Variants in SNTG1 observed in about 807,000 individuals in gnomAD.
The protein encoded by SNTG1 is syntrophin gamma 1.
In SNTG1, 39 loss-of-function variants were observed where a neutral mutation model predicts 74.7. The observed-to-expected ratio is 0.52, with a 90% confidence interval of 0.40 to 0.68. SNTG1 has a LOEUF of 0.68. Among genes scored for constraint, SNTG1 ranks in the 30% least tolerant of loss-of-function variants. SNTG1 has a pLI of 0.00. For synonymous variants in SNTG1, 254 were observed against 217.1 expected, an observed-to-expected ratio of 1.17 and a Z score of -1.49; for missense variants, 685 against 609.5, an observed-to-expected ratio of 1.12 and a Z score of -1.30.
At chr8:50,596,779 TTA>T (rs2094730198) in intron 13 of SNTG1, among the ~76,000 whole-genome samples, 1 of 152,100 alleles carries the variant, frequency 6.6e-6, no homozygotes, top group Non-Finnish European at 1.5e-5. Context: ...ATTAATGTTT[TTA>T]TATAATTGAA....
intron 9 of SNTG1, among the ~76,000 whole-genome samples, chr8:50,513,175 G>A (rs1279014120): frequency 1.3e-5 from 2 of 152,158 alleles, no homozygotes; most frequent in African/African-American, 4.8e-5. Context: ...GTTTGCTGGA[G>A]GTCCACTCCA....
chr8:50,793,088 G>A lies in SNTG1; in HGVS notation c.*259G>A, dbSNP rs1379709112. ...AGTAAGTGTATTGCTTTCACCAAAAGTGGAGACAAAAGAATAAATTATTTG... is the reference window on the plus strand; with the variant it reads ...AGTAAGTGTATTGCTTTCACCAAAAATGGAGACAAAAGAATAAATTATTTG... On this transcript the variant is annotated 3_prime_UTR_variant, in exon 19 of 19. Transcript: ENST00000642720. 1.1e-4 allele frequency: 35 copies of A among 315,446 alleles called. No individual in the cohort carries two copies. The highest frequency in any genetic ancestry group is 1.9e-4 in the Non-Finnish European group (33 of 174,476). The allele number at this position is 315,446 out of a possible 1,614,324, so 19.5% of individuals were successfully genotyped here.
chr8:50,686,171 G>A (rs936442395), intron 15 of SNTG1, among the ~76,000 whole-genome samples: 1 of 152,030 alleles, frequency 6.6e-6, no homozygotes, highest in Non-Finnish European at 1.5e-5. Flanking sequence ...AATATTCACA[G>A]GAACTTAAGG....
At chr8:50,223,691 T>C (rs1266899837) in intron 2 of SNTG1, among the ~76,000 whole-genome samples, 1 of 152,126 alleles carries the variant, frequency 6.6e-6, no homozygotes, top group African/African-American at 2.4e-5. Flanking sequence ...CAAAAGGCTG[T>C]CTCTACATCA....
Position 50,791,222 on chromosome 8 carries a change from A to G in SNTG1, c.1396-1449A>G, listed in dbSNP as rs188087937. Among the ~76,000 whole-genome samples the G allele has an allele frequency of 5.7e-3, 871 of 152,050 alleles. 3 individuals are homozygous for G. Among genetic ancestry groups the G allele is most frequent in the Middle Eastern group, 0.027 (8 of 294 alleles). On this transcript the variant is annotated intron_variant, in intron 18 of 18. Coordinates refer to ENST00000642720, the MANE Select transcript of SNTG1 (RefSeq NM_018967.5). Reference sequence around the variant, plus strand: ...CAAAGAGAAACTTGCTTATTTACAAATAACATGACTAGTGCCACTGAAGCA... The same window carrying G: ...CAAAGAGAAACTTGCTTATTTACAAGTAACATGACTAGTGCCACTGAAGCA...
chr8:50,537,437 T>A (rs1042438077), intron 11 of SNTG1, among the ~76,000 whole-genome samples: 4 of 152,196 alleles, frequency 2.6e-5, no homozygotes, highest in Admixed American at 6.5e-5. Context: ...CTTTTAATAT[T>A]CTTATATTAT....
At chr8:49,951,211 C>T (rs531440024) in intron 1 of SNTG1, among the ~76,000 whole-genome samples, 4 of 151,890 alleles carry the variant, frequency 2.6e-5, no homozygotes, top group South Asian at 2.1e-4. Flanking sequence ...TCTTATGCTA[C>T]GGAAAATACT....
At chr8:50,627,739 C>T (rs536526873) in intron 13 of SNTG1, among the ~76,000 whole-genome samples, 11 of 152,176 alleles carry the variant, frequency 7.2e-5, no homozygotes, top group African/African-American at 1.4e-4. Flanking sequence ...TTACAAAGTC[C>T]GCAGATGAAT....
At chr8:50,447,864 T>G (rs2093420883) in intron 5 of SNTG1, among the ~76,000 whole-genome samples, 1 of 152,134 alleles carries the variant, frequency 6.6e-6, no homozygotes, top group African/African-American at 2.4e-5. Context: ...ATATTAAGGG[T>G]CTTAGAAGGG....
intron 15 of SNTG1, among the ~76,000 whole-genome samples, chr8:50,704,118 T>C (rs2095435536): frequency 6.6e-6 from 1 of 152,210 alleles, no homozygotes; most frequent in Non-Finnish European, 1.5e-5. Context: ...AATGCGTTTT[T>C]TTTTAAGCAA....
chr8:50,006,811 C>T (rs1815285626), intron 1 of SNTG1, among the ~76,000 whole-genome samples: 1 of 152,138 alleles, frequency 6.6e-6, no homozygotes. Context: ...AGAACATTTC[C>T]AGCCTCGTGC....
In SNTG1 at chr8:50,681,030, A is replaced by G. The variant is rs190689363; in HGVS notation, c.1038+22367A>G. On this transcript the variant is annotated intron_variant, in intron 15 of 18. Coordinates refer to ENST00000642720, the MANE Select transcript of SNTG1 (RefSeq NM_018967.5). ...TTTTAGGAGAAATGCTTTCAAGTAA[A>G]AAAAAGTCATACTCATCTCAACAAA... Among the ~76,000 whole-genome samples, 62 of 152,302 alleles carry G rather than the reference A, an allele frequency of 4.1e-4. 1 individual carries two copies. In the East Asian group the frequency reaches 7.1e-3, roughly 18 times the overall value.
intron 1 of SNTG1, among the ~76,000 whole-genome samples, chr8:49,924,764 A>G (rs1385307009): frequency 6.6e-6 from 1 of 151,814 alleles, no homozygotes; most frequent in Admixed American, 6.6e-5. Context: ...CAAATGAGCA[A>G]TCTAGGATGC....
At chr8:50,367,402 T>C (rs911076158) in intron 2 of SNTG1, among the ~76,000 whole-genome samples, 1 of 152,100 alleles carries the variant, frequency 6.6e-6, no homozygotes, top group Non-Finnish European at 1.5e-5. Flanking sequence ...TAATTCTATG[T>C]TAGAATGCTG....
rs148726131 is a variant in SNTG1 at position 50,358,885 on chromosome 8, C to G, written c.-27-35327C>G. Among the ~76,000 whole-genome samples the G allele has an allele frequency of 3.4e-3, 515 of 152,220 alleles. 2 individuals are homozygous for G. Among genetic ancestry groups the G allele is most frequent in the African/African-American group, 0.012 (490 of 41,524 alleles). On this transcript the variant is annotated intron_variant, in intron 2 of 18. Coordinates refer to ENST00000642720, the MANE Select transcript of SNTG1 (RefSeq NM_018967.5). ...AAAACACTTTCATACTTGAAATTGT[C>G]ATTTCTTATTGTTCCATGTAAGTTA...
chr8:50,074,840 C>T (rs1821691260), intron 1 of SNTG1, among the ~76,000 whole-genome samples: 2 of 152,260 alleles, frequency 1.3e-5, no homozygotes, highest in South Asian at 2.1e-4. Flanking sequence ...ACTCCCTCTG[C>T]TTGCGAGGGA....
chr8:49,919,718 T>C (rs1806362178), intron 1 of SNTG1, among the ~76,000 whole-genome samples: 2 of 152,122 alleles, frequency 1.3e-5, no homozygotes, highest in Admixed American at 6.5e-5. Flanking sequence ...AAAATAGTTA[T>C]TCCAGAACAG....
At chr8:49,943,553 G>A (rs1461656633) in intron 1 of SNTG1, among the ~76,000 whole-genome samples, 1 of 152,226 alleles carries the variant, frequency 6.6e-6, no homozygotes, top group Non-Finnish European at 1.5e-5. Flanking sequence ...CTTTTTGTCT[G>A]AAGGCTTGAG....
At chr8:50,485,673 A>C (rs1037870245) in intron 8 of SNTG1, among the ~76,000 whole-genome samples, 2 of 150,540 alleles carry the variant, frequency 1.3e-5, no homozygotes, top group Non-Finnish European at 3.0e-5. Flanking sequence ...TCTTTAGTTT[A>C]ATTAGATCCC....
Sources: allele counts gnomAD v4.1 joint callset (sites outside exome capture counted in the v4.1 genomes callset), GRCh38; gene constraint gnomAD v4.1.1; transcripts MANE v1.5; gene names NCBI Gene and HGNC (gene_info 2026-07-23, HGNC 2026-07-21).